COL5A1: variants seen among roughly 807,000 people sequenced by gnomAD.
The protein encoded by COL5A1 is collagen alpha-1(V) chain.
A neutral mutation model predicts 263.7 loss-of-function variants in COL5A1; 16 were observed. That is an observed-to-expected ratio of 0.06 (90% CI 0.04 to 0.09). The LOEUF is 0.09. Among genes scored for constraint, COL5A1 ranks in the 10% least tolerant of loss-of-function variants. The probability of loss-of-function intolerance (pLI) is 1.00; values close to 1 mark genes in which losing one functional copy is unlikely to be tolerated. For synonymous variants in COL5A1, 1,012 were observed against 1,004.5 expected, an observed-to-expected ratio of 1.01 and a Z score of -0.14; for missense variants, 2,036 against 2,540.5, an observed-to-expected ratio of 0.80 and a Z score of 4.27.
chr9:134,709,160 C>A, intron 4 of COL5A1: 1 of 356,048 alleles, frequency 2.8e-6, no homozygotes, highest in South Asian at 2.1e-5. Flanking sequence ...CATGATTCAG[C>A]CACTTCCCTA....
chr9:134,645,692 A>G (rs1831453512), intron 1 of COL5A1, among the ~76,000 whole-genome samples: 1 of 152,222 alleles, frequency 6.6e-6, no homozygotes, highest in Admixed American at 6.5e-5. Context: ...CAGGGATGCC[A>G]GGCAGATGTC....
intron 9 of COL5A1, among the ~76,000 whole-genome samples, chr9:134,734,412 C>T (rs965752869): frequency 5.3e-5 from 8 of 152,248 alleles, no homozygotes; most frequent in African/African-American, 1.9e-4. Flanking sequence ...TTTGGCCAGG[C>T]CCCCTGCAGA....
rs1837191101 is a variant in COL5A1, at chr9:134,779,974, T to C, written c.2386-128T>C. 4 of 1,017,428 alleles carry C rather than the reference T, an allele frequency of 3.9e-6. No homozygotes were observed. The East Asian group carries it at 9.5e-5, about 24-fold the overall frequency. The allele number at this position is 1,017,428 out of a possible 1,614,324, so 63.0% of individuals were successfully genotyped here. A position where few individuals can be genotyped will look rare whatever the true frequency, so the allele number is the denominator to read the frequency against. ...AGGGGGACATATGGGAGGAAGTGTG[T>C]TGAGGGCAGGGCGCTGGCCTCATCT... On this transcript the variant is annotated intron_variant, in intron 27 of 65. Transcript: ENST00000371817.
Position 134,758,092 on chromosome 9 carries a change from T to G in COL5A1, c.1882-151T>G, listed in dbSNP as rs1010578814. On this transcript the variant is annotated intron_variant, in intron 17 of 65. Transcript: ENST00000371817. This position sits in a 1 kb window ranked among gnomAD's most constrained non-coding sequence, Gnocchi z 4.1. Reference sequence around the variant, plus strand: ...ATTGTAGATGCAAAGTGGGGGCCTATGGGGAGAGGGCTGGCCGATGGGGTT... The same window carrying G: ...ATTGTAGATGCAAAGTGGGGGCCTAGGGGGAGAGGGCTGGCCGATGGGGTT... 3 of 742,878 alleles carry G rather than the reference T, an allele frequency of 4.0e-6. No homozygotes were observed. The highest frequency in any genetic ancestry group is 7.2e-6 in the Non-Finnish European group (3 of 417,332). 46.0% of individuals were successfully genotyped at this position (742,878 alleles called of 1,614,324 possible). A position where few individuals can be genotyped will look rare whatever the true frequency, so the allele number is the denominator to read the frequency against.
At chr9:134,651,284 T>C (rs1379874275) in intron 1 of COL5A1, among the ~76,000 whole-genome samples, 1 of 152,148 alleles carries the variant, frequency 6.6e-6, no homozygotes, top group Non-Finnish European at 1.5e-5. Flanking sequence ...TCCTCCAGGA[T>C]CTAGAACCAG....
Position 134,678,905 on chromosome 9 carries a change from G to C in COL5A1, c.110-12007G>C, listed in dbSNP as rs924284692. On this transcript the variant is annotated intron_variant, in intron 1 of 65. Transcript: ENST00000371817. The surrounding 1 kb of genome is among the most constrained non-coding windows in gnomAD (Gnocchi z 5.5). ...GGCTGGTTGGTGTTACCCCCTGCTG[G>C]GGGGCAGGCGTTAGATCTGTGCAGG... Among the ~76,000 whole-genome samples the C allele has an allele frequency of 2.6e-5, 4 of 152,210 alleles. No homozygotes were observed. The highest frequency in any genetic ancestry group is 7.2e-5 in the African/African-American group (3 of 41,460).
At chr9:134,750,222 C>T (rs1835723478) in intron 11 of COL5A1, among the ~76,000 whole-genome samples, 3 of 152,176 alleles carry the variant, frequency 2.0e-5, no homozygotes, top group East Asian at 1.9e-4. Flanking sequence ...GACACTGCCT[C>T]CTCACCTTCG....
intron 2 of COL5A1, among the ~76,000 whole-genome samples, chr9:134,697,195 C>T (rs899864638): frequency 2.6e-5 from 4 of 152,092 alleles, no homozygotes; most frequent in Non-Finnish European, 5.9e-5. Context: ...GCCCGGACAG[C>T]GTAGATTATA....
intron 1 of COL5A1, among the ~76,000 whole-genome samples, chr9:134,654,607 C>T (rs1831862456): frequency 1.2e-5 from 1 of 85,862 alleles, no homozygotes; most frequent in Non-Finnish European, 2.2e-5. Context: ...GTGTGTAGGG[C>T]TGAGGGTGTG....
At chr9:134,659,338 G>A (rs1197482122) in intron 1 of COL5A1, among the ~76,000 whole-genome samples, 6 of 152,180 alleles carry the variant, frequency 3.9e-5, no homozygotes, top group South Asian at 4.1e-4. Flanking sequence ...GCAGTGAGCC[G>A]AGATGGCGCC....
chr9:134,654,809 A>C (rs1464653998), intron 1 of COL5A1, among the ~76,000 whole-genome samples: 1 of 75,518 alleles, frequency 1.3e-5, no homozygotes, highest in East Asian at 4.4e-4. Context: ...GTGTGTGTTT[A>C]GGGCGGGGTT....
chr9:134,656,734 G>A (rs1317526949), intron 1 of COL5A1, among the ~76,000 whole-genome samples: 3 of 151,726 alleles, frequency 2.0e-5, no homozygotes, highest in East Asian at 2.0e-4. Flanking sequence ...CTGTTAATAC[G>A]GAGGTTGGGA....
chr9:134,744,720 TAC>T (rs202090775), intron 11 of COL5A1, among the ~76,000 whole-genome samples: 1,786 of 147,284 alleles, frequency 0.012, 37 homozygotes, highest in African/African-American at 0.043. Context: ...CTCACACAGT[TAC>T]ACACACATGC....
At chr9:134,761,521 G>A (rs563233181) in intron 18 of COL5A1, among the ~76,000 whole-genome samples, 35 of 152,378 alleles carry the variant, frequency 2.3e-4, no homozygotes, top group African/African-American at 8.2e-4. Flanking sequence ...CACATATTGA[G>A]CACCCACTGC....
At position 134,763,621 on chromosome 9, in the gene COL5A1, C is replaced by T. The variant is rs548801811; in HGVS notation, c.1990-72C>T. 40 of 1,476,852 alleles carry T rather than the reference C, an allele frequency of 2.7e-5. No individual in the cohort carries two copies. In the South Asian group the frequency reaches 3.9e-4, roughly 14 times the overall value. 91.5% of individuals were successfully genotyped at this position (1,476,852 alleles called of 1,614,324 possible). A position where few individuals can be genotyped will look rare whatever the true frequency, so the allele number is the denominator to read the frequency against. On this transcript the variant is annotated intron_variant, in intron 19 of 65. Transcript: ENST00000371817. ...AGCCCCAAGCCAGAGAACCCTTGTG[C>T]ACCACTGAGGGGAAGCTGGTGTCCA...
intron 1 of COL5A1, among the ~76,000 whole-genome samples, chr9:134,661,874 C>T (rs1832216562): frequency 6.6e-6 from 1 of 152,152 alleles, no homozygotes; most frequent in Non-Finnish European, 1.5e-5. Context: ...CAGCCCTTCC[C>T]TCCAGCGGCT....
chr9:134,760,434 T>G (rs1266803695), intron 18 of COL5A1, among the ~76,000 whole-genome samples: 2 of 70,754 alleles, frequency 2.8e-5, no homozygotes, highest in African/African-American at 6.5e-5. Flanking sequence ...ACACCACACA[T>G]GCACACACAT....
chr9:134,656,885 G>A (rs1831990271), intron 1 of COL5A1, among the ~76,000 whole-genome samples: 1 of 135,236 alleles, frequency 7.4e-6, no homozygotes, highest in East Asian at 2.3e-4. Flanking sequence ...GGCAAGGGGT[G>A]TACATTATAG....
In COL5A1 at chr9:134,680,646, G is replaced by C. The variant is rs1386931387; in HGVS notation, c.110-10266G>C. Among the ~76,000 whole-genome samples, 2 of 152,236 alleles carry C rather than the reference G, an allele frequency of 1.3e-5. No individual in the cohort carries two copies. The highest frequency in any genetic ancestry group is 4.8e-5 in the African/African-American group (2 of 41,462). ...CCAGGGGCTTGGGGAGGGTGGCCAT[G>C]CTGTGCACTGCACAACCCCAGGGAG... On this transcript the variant is annotated intron_variant, in intron 1 of 65. Coordinates refer to ENST00000371817, the MANE Select transcript of COL5A1 (RefSeq NM_000093.5). This position sits in a 1 kb window ranked among gnomAD's most constrained non-coding sequence, Gnocchi z 5.9.
Sources: gnomAD v4.1 joint callset for allele counts (sites outside exome capture counted in the v4.1 genomes callset) on GRCh38, gnomAD v4.1.1 for gene constraint, Gnocchi (gnomAD v3.1) non-coding constraint, MANE v1.5 for transcripts, NCBI Gene and HGNC (gene_info 2026-07-23, HGNC 2026-07-21) for gene names.